The following PCDH20 variants were observed in gnomAD, a reference collection of about 807,000 sequenced individuals.
The protein encoded by PCDH20 is protocadherin-20.
Under a neutral mutation model 39.7 loss-of-function variants are expected in PCDH20, and 18 were observed. That is an observed-to-expected ratio of 0.45 (90% confidence interval 0.31 to 0.67). The LOEUF (loss-of-function observed/expected upper bound fraction) is 0.67. Among genes scored for constraint, PCDH20 ranks in the 30% least tolerant of loss-of-function variants. PCDH20 has a pLI of 0.05. For missense variants in PCDH20, 1,161 were observed against 1,167.4 expected (o/e 0.99, Z 0.08); for synonymous variants, 495 against 455.4 (o/e 1.09, Z -1.11).
chr13:61,411,001 C>CTTTTTT (rs11423785), exon 2 of PCDH20: 2 of 192,662 alleles, frequency 1.0e-5, no homozygotes, highest in South Asian at 1.6e-4. Context: ...CATGTCCAAG[C>CTTTTTT]TTTTTTTTTT....
At chr13:61,412,789 C>T (rs1043182473) in exon 2 of PCDH20, 1 of 1,614,076 alleles carries the variant, frequency 6.2e-7, no homozygotes, top group East Asian at 2.2e-5. Context: ...ATAAACCACA[C>T]CATCTATCTC....
exon 2 of PCDH20, chr13:61,410,254 T>C (rs1306509085): frequency 2.6e-5 from 4 of 152,224 alleles, no homozygotes; most frequent in Admixed American, 6.5e-5. Flanking sequence ...CAACCAGTAG[T>C]GTACACAAGC....
chr13:61,411,428 C>T (rs752838866), exon 2 of PCDH20: 1 of 1,614,086 alleles, frequency 6.2e-7, no homozygotes, highest in South Asian at 1.1e-5. Context: ...GACAGAGCTA[C>T]TAAGGTGGGC....
chr13:61,414,727 C>G (rs1871498642), intron 1 of PCDH20, among the ~76,000 whole-genome samples: 1 of 152,120 alleles, frequency 6.6e-6, no homozygotes, highest in African/African-American at 2.4e-5. Flanking sequence ...CATAGCCAGA[C>G]GCCAGCAGCA....
exon 2 of PCDH20, chr13:61,412,345 T>C: frequency 6.2e-7 from 1 of 1,614,094 alleles, no homozygotes; most frequent in Non-Finnish European, 8.5e-7. Flanking sequence ...TGTGACACTG[T>C]CTAAGGAAAA....
At position 61,412,927 on chromosome 13, in the gene PCDH20, A is replaced by G. The variant is rs575715408; in HGVS notation, c.1172T>C (p.Leu391Pro). The G allele has an allele frequency of 5.1e-5, 82 of 1,614,204 alleles. 1 individual carries two copies. In the South Asian group the frequency reaches 8.7e-4, roughly 17 times the overall value. Residue 391 changes from leucine to proline, a missense_variant, in exon 2 of 2, where the codon CTG becomes CCG. Around this residue, in one of 3 missense-constraint regions of PCDH20, gnomAD observed 754 missense variants for 777.5 expected, o/e 0.97. Coordinates refer to ENST00000409204, the Ensembl canonical transcript of PCDH20. ...AAGGATGGTGAGCTTGTGGGACTCC[A>G]GAACACTTCCTCCAATCTTACTGAA...
At chr13:61,412,581 A>G (rs780253365) in exon 2 of PCDH20, 1 of 1,614,026 alleles carries the variant, frequency 6.2e-7, no homozygotes, top group Non-Finnish European at 8.5e-7. Flanking sequence ...AAGCCACCAC[A>G]GCTACTTCAT....
exon 2 of PCDH20, chr13:61,413,657 C>T: frequency 6.2e-7 from 1 of 1,614,144 alleles, no homozygotes; most frequent in Non-Finnish European, 8.5e-7. Flanking sequence ...GCCTCCCTGT[C>T]GATCTCCTGA....
intron 1 of PCDH20, among the ~76,000 whole-genome samples, chr13:61,414,371 G>A (rs1871490410): frequency 6.6e-6 from 1 of 152,116 alleles, no homozygotes; most frequent in South Asian, 2.1e-4. Flanking sequence ...GTAGTAGAGA[G>A]CACTGAAAGG....
chr13:61,411,387 G>A (rs763677917), exon 2 of PCDH20: 1 of 1,613,926 alleles, frequency 6.2e-7, no homozygotes, highest in Admixed American at 1.7e-5. Flanking sequence ...CCATCCCTGT[G>A]ACCAGTGTGA....
chr13:61,412,549 A>C, exon 2 of PCDH20: 13 of 1,614,090 alleles, frequency 8.1e-6, no homozygotes, highest in Non-Finnish European at 1.1e-5. Flanking sequence ...GACCCTTTTG[A>C]CATGAAATCC....
exon 2 of PCDH20, chr13:61,412,355 A>C: frequency 1.2e-6 from 2 of 1,614,114 alleles, no homozygotes; most frequent in Non-Finnish European, 1.7e-6. Flanking sequence ...TCTAAGGAAA[A>C]ATATGATGGA....
exon 2 of PCDH20, chr13:61,413,854 A>G: frequency 6.2e-7 from 1 of 1,613,196 alleles, no homozygotes; most frequent in Non-Finnish European, 8.5e-7. Flanking sequence ...CAGGCTGCCG[A>G]TGAGCACCCC....
exon 2 of PCDH20, chr13:61,411,105 G>A (rs1005528583): frequency 4.0e-6 from 3 of 743,570 alleles, no homozygotes; most frequent in African/African-American, 3.6e-5. Flanking sequence ...TTAAAAACCT[G>A]TAAACAGCTA....
Position 61,415,323 on chromosome 13 carries a change from C to T in PCDH20, c.-165G>A, listed in dbSNP as rs1008806955. On this transcript the variant is annotated 5_prime_UTR_variant, in exon 1 of 2. It adds an upstream start codon to the 5' untranslated region. Coordinates refer to ENST00000409204, the Ensembl canonical transcript of PCDH20. The stretch of plus-strand genomic sequence containing the variant: ...AGAAAGGCAAGAGGGCAGAAGGGCA[C>T]ATTCATGGTTTCCTGCCCCGGACGC... The T allele has an allele frequency of 7.5e-5, 60 of 802,266 alleles. No individual in the cohort carries two copies. In the Middle Eastern group the frequency reaches 2.1e-3, roughly 28 times the overall value. The allele number at this position is 802,266 out of a possible 1,614,324, so 49.7% of individuals were successfully genotyped here.
chr13:61,415,074 C>A, exon 1 of PCDH20: 1 of 1,578,858 alleles, frequency 6.3e-7, no homozygotes, highest in East Asian at 2.4e-5. Context: ...TGTAGACGCC[C>A]CATATCCAGG....
chr13:61,414,428 G>A (rs923869018), intron 1 of PCDH20, among the ~76,000 whole-genome samples: 4 of 152,032 alleles, frequency 2.6e-5, no homozygotes, highest in Admixed American at 6.6e-5. Flanking sequence ...TAGAGTGCTG[G>A]AACACGCAGT....
chr13:61,413,084 T>C lies in PCDH20; in HGVS notation c.1015A>G (p.Ile339Val), dbSNP rs1871438852. Residue 339 changes from isoleucine (I) to valine (V), a missense_variant, in exon 2 of 2, where the codon ATT (isoleucine) becomes GTT (valine). Transcript: ENST00000409204. ...TTATCCACAGCCTGGACAGCTGCAA[T>C]TGGGGTGCCCACTGTAGCATTCCCA... 1.2e-6 allele frequency: 2 copies of C among 1,614,204 alleles called. No homozygotes were observed. Among genetic ancestry groups the C allele is most frequent in the South Asian group, 1.1e-5 (1 of 91,082 alleles).
chr13:61,411,344 G>A (rs1006445568), exon 2 of PCDH20: 1 of 1,613,966 alleles, frequency 6.2e-7, no homozygotes, highest in Non-Finnish European at 8.5e-7. Context: ...TCCCTGGGAT[G>A]CTTTTCCCCT....
Sources: gnomAD v4.1 joint callset for allele counts (sites outside exome capture counted in the v4.1 genomes callset) on GRCh38, gnomAD v4.1.1 for gene constraint, gnomAD v4.1.1 regional missense constraint, MANE v1.5 for transcripts, NCBI Gene and HGNC (gene_info 2026-07-23, HGNC 2026-07-21) for gene names.